GPHN: variants seen among roughly 807,000 people sequenced by gnomAD.
GPHN encodes the protein gephyrin.
In GPHN, 17 loss-of-function variants were observed where a neutral mutation model predicts 95.5. The ratio of observed to expected loss-of-function variants is 0.18; its 90% CI spans 0.12 to 0.27. The LOEUF (loss-of-function observed/expected upper bound fraction) is 0.27, where lower values mean the gene tolerates loss of function less well. Ranked by LOEUF, GPHN falls within the 10% of genes least tolerant of loss-of-function variation. GPHN has a pLI of 1.00. For synonymous variants in GPHN, 320 were observed against 322.5 expected (o/e 0.99, Z 0.08); for missense variants, 660 against 978.1 (o/e 0.67, Z 4.34).
intron 10 of GPHN, among the ~76,000 whole-genome samples, chr14:67,050,994 A>G (rs1218986422): frequency 6.9e-6 from 1 of 145,528 alleles, no homozygotes; most frequent in Non-Finnish European, 1.5e-5. Flanking sequence ...TCCCCTCATA[A>G]GTCCACACCA....
At chr14:67,068,327 C>A (rs72715327) in intron 11 of GPHN, among the ~76,000 whole-genome samples, 10,109 of 152,192 alleles carry the variant, frequency 0.066, 358 homozygotes, top group Middle Eastern at 0.085. Context: ...GTCTTTTAGC[C>A]TATTACTATT....
chr14:67,722,323 G>C, the GPHN span: 1 of 457,334 alleles, frequency 2.2e-6, no homozygotes, highest in Non-Finnish European at 4.0e-6. Flanking sequence ...AAACAATTGA[G>C]GATGGGGGGT....
the GPHN span, among the ~76,000 whole-genome samples, chr14:67,516,823 T>G: frequency 0.42 from 63,304 of 151,852 alleles, 13,743 homozygotes; most frequent in East Asian, 0.48. Flanking sequence ...GGGTTCTGAT[T>G]GGGGCAGAGG....
the GPHN span, among the ~76,000 whole-genome samples, chr14:67,195,610 C>T: frequency 6.6e-6 from 1 of 152,164 alleles, no homozygotes; most frequent in Admixed American, 6.6e-5. Context: ...TACTGCATCT[C>T]CTCAAATCTA....
the GPHN span, chr14:67,333,638 C>G: frequency 6.6e-6 from 1 of 152,594 alleles, no homozygotes; most frequent in African/African-American, 2.4e-5. Context: ...ACACTCTAAT[C>G]TACTTAAAGG....
rs112330466 is a variant in GPHN, at chr14:67,057,475, G to T, written c.1007-1174G>T. 3.1e-3 allele frequency among the ~76,000 whole-genome samples: 460 copies of T among 150,514 alleles called. 5 individuals are homozygous for T. The highest frequency in any genetic ancestry group is 0.011 in the African/African-American group (442 of 40,698). ...TTGCAGGGAAGGAGAGCATCAGAAA[G>T]AATAGCTGGGCCTAATACCTAGGTA... On this transcript the variant is annotated intron_variant, in intron 10 of 22. Coordinates refer to ENST00000478722, the MANE Select transcript of GPHN (RefSeq NM_020806.5).
chr14:67,388,624 G>C, the GPHN span, among the ~76,000 whole-genome samples: 1 of 152,104 alleles, frequency 6.6e-6, no homozygotes, highest in East Asian at 1.9e-4. Context: ...ACATTCACTG[G>C]CTTCCTTAAC....
chr14:67,237,661 C>T, the GPHN span, among the ~76,000 whole-genome samples: 1 of 151,982 alleles, frequency 6.6e-6, no homozygotes, highest in South Asian at 2.1e-4. Context: ...TATTTTATTA[C>T]ATAAACATTT....
chr14:67,642,422 C>T, the GPHN span: 1 of 1,560,686 alleles, frequency 6.4e-7, no homozygotes, highest in African/African-American at 1.4e-5. Flanking sequence ...GGGCTCATAA[C>T]TTAGCTTCTT....
intron 6 of GPHN, among the ~76,000 whole-genome samples, chr14:66,921,631 C>T (rs2066222980): frequency 6.6e-6 from 1 of 152,136 alleles, no homozygotes. Flanking sequence ...AATGACCATA[C>T]TGCCAAATGC....
chr14:66,783,041 G>A (rs905913069), intron 3 of GPHN, among the ~76,000 whole-genome samples: 4 of 152,034 alleles, frequency 2.6e-5, no homozygotes, highest in Admixed American at 2.0e-4. Context: ...AACAGGTGGC[G>A]TAAACAAAAA....
chr14:67,152,480 T>TAAGA lies in GPHN; in HGVS notation c.1837-6934_1837-6931dup, dbSNP rs138988579. 1.7e-3 allele frequency among the ~76,000 whole-genome samples: 137 copies of TAAGA among 78,542 alleles called. 1 individual carries two copies. The highest frequency in any genetic ancestry group is 5.8e-4 in the African/African-American group (2 of 3,458). 51.5% of individuals were successfully genotyped at this position (78,542 alleles called of 152,430 possible). A position where few individuals can be genotyped will look rare whatever the true frequency, so the allele number is the denominator to read the frequency against. ...TTTATTTAACTCAACAACGAGCAAA[T>TAAGA]AAGATGCTATGACCTATTCAAAGGA... On this transcript the variant is annotated intron_variant, in intron 18 of 22. Transcript: ENST00000478722.
chr14:66,913,274 T>C (rs2065756720), intron 5 of GPHN, among the ~76,000 whole-genome samples: 1 of 152,136 alleles, frequency 6.6e-6, no homozygotes, highest in Non-Finnish European at 1.5e-5. Flanking sequence ...CACTTGGTGC[T>C]TTTTTTAACT....
At chr14:66,977,164 G>A (rs1044092984) in intron 9 of GPHN, among the ~76,000 whole-genome samples, 2 of 152,142 alleles carry the variant, frequency 1.3e-5, no homozygotes, top group Non-Finnish European at 2.9e-5. Flanking sequence ...GGGCGCGGTG[G>A]CTCATGCCTG....
At chr14:66,721,951 CA>C (rs35174343) in intron 2 of GPHN, among the ~76,000 whole-genome samples, 344 of 60,092 alleles carry the variant, frequency 5.7e-3, no homozygotes, top group African/African-American at 0.012. Context: ...AACTCTGTCT[CA>C]AAAAAAAAAA....
intron 2 of GPHN, among the ~76,000 whole-genome samples, chr14:66,734,258 G>C (rs962147807): frequency 2.6e-5 from 4 of 152,066 alleles, no homozygotes; most frequent in Non-Finnish European, 5.9e-5. Flanking sequence ...CTAGACCCTG[G>C]TTCCTGACCT....
chr14:67,199,509 C>CT, the GPHN span: 8 of 1,612,848 alleles, frequency 5.0e-6, no homozygotes, highest in African/African-American at 2.7e-5. Flanking sequence ...ATTAATTTTG[C>CT]TTCATTTGAT....
chr14:67,043,229 TCTTG>T (rs2074810317), intron 10 of GPHN, among the ~76,000 whole-genome samples: 1 of 152,206 alleles, frequency 6.6e-6, no homozygotes, highest in African/African-American at 2.4e-5. Flanking sequence ...TATCGCTTTC[TCTTG>T]CCTGATTGCC....
chr14:67,135,771 AT>A (rs1490852202), intron 17 of GPHN, among the ~76,000 whole-genome samples: 1 of 151,824 alleles, frequency 6.6e-6, no homozygotes, highest in Non-Finnish European at 1.5e-5. Flanking sequence ...AATAAATAAA[AT>A]TTTCCTCTTT....
Sources: gnomAD v4.1 joint callset for allele counts (sites outside exome capture counted in the v4.1 genomes callset) on GRCh38, gnomAD v4.1.1 for gene constraint, MANE v1.5 for transcripts, NCBI Gene and HGNC (gene_info 2026-07-23, HGNC 2026-07-21) for gene names.